The following AOX1 variants were observed in gnomAD, a reference collection of about 807,000 sequenced individuals.
AOX1 encodes the protein aldehyde oxidase.
Under a neutral mutation model 169.5 loss-of-function variants are expected in AOX1, and 153 were observed. The observed-to-expected ratio is 0.90, with a 90% CI of 0.79 to 1.03. The LOEUF is 1.03. AOX1 is among the 50% of genes least tolerant of loss of function. AOX1 has a pLI of 0.00. For synonymous variants in AOX1, 562 were observed against 581.9 expected (o/e 0.97, Z 0.49); for missense variants, 1,656 against 1,663.9 (o/e 1.00, Z 0.08).
Position 200,604,113 on chromosome 2 carries a change from T to C in AOX1, c.669+16T>C. 1 of 1,560,166 alleles carries C rather than the reference T, an allele frequency of 6.4e-7. No individual in the cohort carries two copies. The highest frequency in any genetic ancestry group is 8.8e-7 in the Non-Finnish European group (1 of 1,130,910). On this transcript the variant is annotated intron_variant, in intron 8 of 34. Transcript: ENST00000374700. ...TGAGCTAATGGTGAGTAAAGCAATG[T>C]TGAGCTCATCCTAGAAGAATTCATG...
downstream of AOX1, among the ~76,000 whole-genome samples, chr2:200,674,914 C>G (rs2036075180): frequency 6.6e-6 from 1 of 152,218 alleles, no homozygotes; most frequent in Non-Finnish European, 1.5e-5. Flanking sequence ...GCCATCACCA[C>G]TATCTAAGGG....
At chr2:200,618,923 G>A (rs2034823833) in intron 16 of AOX1, among the ~76,000 whole-genome samples, 1 of 152,228 alleles carries the variant, frequency 6.6e-6, no homozygotes, top group South Asian at 2.1e-4. Flanking sequence ...GTTCCATAGA[G>A]CAAGAGCCTT....
intron 34 of AOX1, among the ~76,000 whole-genome samples, chr2:200,670,283 C>T (rs2036002027): frequency 6.6e-6 from 1 of 152,198 alleles, no homozygotes; most frequent in African/African-American, 2.4e-5. Context: ...CAGTTACCAC[C>T]CTGACTTTGA....
chr2:200,652,648 G>A (rs566133491), intron 26 of AOX1, among the ~76,000 whole-genome samples: 9 of 152,304 alleles, frequency 5.9e-5, no homozygotes, highest in Admixed American at 1.3e-4. Context: ...ATCCTCTCAC[G>A]TTTGGCCGTG....
At chr2:200,648,269 T>A (rs1018074276) in intron 25 of AOX1, among the ~76,000 whole-genome samples, 1 of 152,202 alleles carries the variant, frequency 6.6e-6, no homozygotes, top group Non-Finnish European at 1.5e-5. Context: ...GTTTCTTTTG[T>A]CCCATGGAAT....
At chr2:200,586,315 C>G (rs902570040) in intron 1 of AOX1, among the ~76,000 whole-genome samples, 162 bp downstream of exon 1, 1 of 152,236 alleles carries the variant, frequency 6.6e-6, no homozygotes, top group Non-Finnish European at 1.5e-5. Context: ...CATTCCCACC[C>G]CTGCCTCCGG....
In AOX1 at chr2:200,666,713, T is replaced by C. The variant is rs766214122; in HGVS notation, c.3570T>C (p.Asp1190=). 2 of 1,610,978 alleles carry C rather than the reference T, an allele frequency of 1.2e-6. No individual in the cohort carries two copies. Among genetic ancestry groups the C allele is most frequent in the South Asian group, 1.1e-5 (1 of 90,310 alleles). The change falls in exon 32 of 35, where the codon GAT becomes GAC. Residue 1190 remains aspartate, a synonymous_variant. Coordinates refer to ENST00000374700, the MANE Select transcript of AOX1 (RefSeq NM_001159.4). Reference sequence around the variant, plus strand: ...ACATCAGAACAGACATTGTCATGGATGTTGGCTGCAGTATAAATCCAGCCA... The same window carrying C: ...ACATCAGAACAGACATTGTCATGGACGTTGGCTGCAGTATAAATCCAGCCA... The part of the protein sequence containing the change: ...HKNIRTDIVM[D]VGCSINPAID...
At chr2:200,656,023 C>T (rs1460251913) in intron 26 of AOX1, among the ~76,000 whole-genome samples, 2 of 152,218 alleles carry the variant, frequency 1.3e-5, no homozygotes, top group Admixed American at 6.5e-5. Flanking sequence ...TATTATGTCA[C>T]TCTGCCTAAA....
At chr2:200,639,339 T>A (rs1045163912) in intron 23 of AOX1, among the ~76,000 whole-genome samples, 1 of 152,168 alleles carries the variant, frequency 6.6e-6, no homozygotes, top group East Asian at 1.9e-4. Context: ...GACCTGTAAG[T>A]TGTGGATCTC....
rs757243716 is a variant in AOX1 at position 200,612,664 on chromosome 2, T to C, written c.1319T>C (p.Ile440Thr). 1 of 1,614,124 alleles carries C rather than the reference T, an allele frequency of 6.2e-7. No homozygotes were observed. Among genetic ancestry groups the C allele is most frequent in the South Asian group, 1.1e-5 (1 of 91,074 alleles). ...CAGCGACAGGAGAATGCGCTAGCGA[T>C]AGTCAATTCAGGAATGAGAGTCTTT... ...QAQRQENALAIVNSGMRVFFG... is the reference protein window; with the variant it reads ...QAQRQENALATVNSGMRVFFG... Residue 440 changes from isoleucine (I) to threonine (T), a missense_variant, in exon 14 of 35, where the codon ATA becomes ACA. Transcript: ENST00000374700.
chr2:200,681,059 G>C (rs2036148466), downstream of AOX1, among the ~76,000 whole-genome samples: 1 of 152,154 alleles, frequency 6.6e-6, no homozygotes, highest in Non-Finnish European at 1.5e-5. Flanking sequence ...GGAGCAGAAT[G>C]GGGAGAGAAC....
At chr2:200,656,723 C>T in intron 26 of AOX1, 119 bp from the exon 27 acceptor site, 1 of 612,616 alleles carries the variant, frequency 1.6e-6, no homozygotes, top group East Asian at 3.5e-5. Flanking sequence ...AAATGTTGCT[C>T]CACCCTGGGG....
intron 33 of AOX1, among the ~76,000 whole-genome samples, chr2:200,669,128 A>G (rs2035978495): frequency 6.6e-6 from 1 of 152,196 alleles, no homozygotes; most frequent in Admixed American, 6.5e-5. Context: ...GGATCAAAAG[A>G]TTAAATTACT....
downstream of AOX1, chr2:200,671,624 T>C (rs1216468672): frequency 1.3e-5 from 2 of 152,124 alleles, no homozygotes; most frequent in Non-Finnish European, 2.9e-5. Flanking sequence ...TTATATGCAG[T>C]AGGATGATTG....
At chr2:200,613,027 T>TGTGTGTGTGTGTGTGA (rs112472592) in intron 14 of AOX1, among the ~76,000 whole-genome samples, 31 of 146,210 alleles carry the variant, frequency 2.1e-4, no homozygotes, top group African/African-American at 4.8e-4. Flanking sequence ...TGTGTGTGTG[T>TGTGTGTGTGTGTGTGA]GAGAGAGAGA....
chr2:200,591,808 G>A (rs752934033), intron 1 of AOX1, among the ~76,000 whole-genome samples: 7 of 152,064 alleles, frequency 4.6e-5, no homozygotes, highest in Non-Finnish European at 8.8e-5. Flanking sequence ...ACGATATTGC[G>A]GGTACCAAGA....
chr2:200,678,368 A>G (rs1450638841), downstream of AOX1: 3 of 152,238 alleles, frequency 2.0e-5, no homozygotes, highest in African/African-American at 7.2e-5. Context: ...AATATTTCAT[A>G]AATTTTTATT....
intron 8 of AOX1, 25 bp downstream of exon 8, chr2:200,604,122 T>A: frequency 3.3e-6 from 5 of 1,512,886 alleles, no homozygotes; most frequent in Non-Finnish European, 3.7e-6. Context: ...GTTGAGCTCA[T>A]CCTAGAAGAA....
chr2:200,607,951 A>G (rs368175753), intron 10 of AOX1, among the ~76,000 whole-genome samples: 47 of 152,302 alleles, frequency 3.1e-4, no homozygotes, highest in African/African-American at 1.1e-3. Flanking sequence ...GGAACAACAC[A>G]TACCGGGGCC....
Sources: allele counts gnomAD v4.1 joint callset (sites outside exome capture counted in the v4.1 genomes callset), GRCh38; gene constraint gnomAD v4.1.1; transcripts MANE v1.5; gene names NCBI Gene and HGNC (gene_info 2026-07-23, HGNC 2026-07-21).